HHAT: variants seen among roughly 807,000 people sequenced by gnomAD.
HHAT encodes the protein protein-cysteine N-palmitoyltransferase HHAT.
Under a neutral mutation model 70.8 loss-of-function variants are expected in HHAT, and 47 were observed. The observed-to-expected ratio is 0.66, with a 90% CI of 0.53 to 0.85. The LOEUF (loss-of-function observed/expected upper bound fraction) is 0.85. Among genes scored for constraint, HHAT ranks in the 40% least tolerant of loss-of-function variants. The pLI is 0.00. For synonymous variants in HHAT, 228 were observed against 247.6 expected, an observed-to-expected ratio of 0.92 and a Z score of 0.74; for missense variants, 609 against 604.8, an observed-to-expected ratio of 1.01 and a Z score of -0.07.
intron 9 of HHAT, among the ~76,000 whole-genome samples, chr1:210,535,282 T>C (rs2148645715): frequency 6.6e-6 from 1 of 152,264 alleles, no homozygotes; most frequent in African/African-American, 2.4e-5. Flanking sequence ...AGTGACTACG[T>C]AACAGGGTTT....
intron 11 of HHAT, among the ~76,000 whole-genome samples, chr1:210,663,143 AAC>A (rs1678121465): frequency 6.6e-6 from 1 of 152,186 alleles, no homozygotes; most frequent in Non-Finnish European, 1.5e-5. Flanking sequence ...ATTAGGCACT[AAC>A]CAAGACAAAG....
At chr1:210,404,797 A>G (rs2294850) in intron 6 of HHAT, 118 bp downstream of exon 6, 21,027 of 688,858 alleles carry the variant, frequency 0.031, 475 homozygotes, top group Middle Eastern at 0.08. Context: ...TTTACAACAC[A>G]TACTATTAGT....
At chr1:210,619,948 T>C (rs1668510223) in intron 10 of HHAT, among the ~76,000 whole-genome samples, 1 of 152,232 alleles carries the variant, frequency 6.6e-6, no homozygotes, top group African/African-American at 2.4e-5. Context: ...CTTTTCACTG[T>C]CTTCTGGTAT....
chr1:210,511,704 C>T (rs1191988557), intron 8 of HHAT, among the ~76,000 whole-genome samples: 1 of 151,426 alleles, frequency 6.6e-6, no homozygotes, highest in Admixed American at 6.6e-5. Context: ...GGGTGGGATG[C>T]AACCACCACC....
chr1:210,358,117 G>A (rs1203129971), intron 2 of HHAT, among the ~76,000 whole-genome samples: 1 of 152,228 alleles, frequency 6.6e-6, no homozygotes, highest in Non-Finnish European at 1.5e-5. Flanking sequence ...AAGCCCTAGT[G>A]TTAGACTCCA....
chr1:210,511,021 A>G (rs1217105085), intron 8 of HHAT, among the ~76,000 whole-genome samples: 1 of 152,210 alleles, frequency 6.6e-6, no homozygotes, highest in Admixed American at 6.5e-5. Flanking sequence ...CTCCCATATT[A>G]TAGATCTGGC....
At chr1:210,331,757 G>A (rs1046729310) in intron 1 of HHAT, among the ~76,000 whole-genome samples, 2 of 152,180 alleles carry the variant, frequency 1.3e-5, no homozygotes, top group African/African-American at 4.8e-5. Context: ...TTCCAGTTTG[G>A]TTTTGAGTGC....
intron 9 of HHAT, among the ~76,000 whole-genome samples, chr1:210,533,200 G>T (rs1281288052): frequency 9.9e-6 from 1 of 100,696 alleles, no homozygotes; most frequent in East Asian, 1.9e-4. Flanking sequence ...TTTGGATATG[G>T]CCAGGAGTGA....
intron 3 of HHAT, among the ~76,000 whole-genome samples, chr1:210,377,925 T>C (rs1471126620): frequency 6.6e-6 from 1 of 152,206 alleles, no homozygotes; most frequent in Admixed American, 6.5e-5. Context: ...AGGGACTTTG[T>C]TATTTACAGA....
chr1:210,485,801 A>C (rs1434849267), intron 8 of HHAT, among the ~76,000 whole-genome samples: 3 of 152,020 alleles, frequency 2.0e-5, no homozygotes, highest in African/African-American at 4.8e-5. Context: ...CTCATGATTC[A>C]ATTTTCTCCC....
chr1:210,471,811 A>G (rs189926112), intron 8 of HHAT, among the ~76,000 whole-genome samples: 2 of 152,348 alleles, frequency 1.3e-5, no homozygotes, highest in African/African-American at 4.8e-5. Context: ...CTGTTTTCCA[A>G]TATCAAATAA....
chr1:210,426,290 G>A (rs146987444), intron 7 of HHAT, among the ~76,000 whole-genome samples: 2 of 151,954 alleles, frequency 1.3e-5, no homozygotes, highest in Admixed American at 6.6e-5. Context: ...ACCTATAAAC[G>A]GGTAGTTTTA....
At chr1:210,382,549 A>T (rs2090719376) in intron 3 of HHAT, among the ~76,000 whole-genome samples, 1 of 152,204 alleles carries the variant, frequency 6.6e-6, no homozygotes, top group African/African-American at 2.4e-5. Flanking sequence ...GCTCTCAGAG[A>T]GATCCATTTT....
At position 210,450,270 on chromosome 1, in the gene HHAT, G is replaced by A. The variant is rs148997577; in HGVS notation, c.857-14235G>A. ...TGCGCCACTGCACTCCAGCCTGGGC[G>A]ACAGAGCAAGACTGCGTCTCAGGTG... On this transcript the variant is annotated intron_variant, in intron 7 of 11. Transcript: ENST00000261458. Among the ~76,000 whole-genome samples, 85 of 141,642 alleles carry A rather than the reference G, an allele frequency of 6.0e-4. No homozygotes were observed. The East Asian group carries it at 0.015, about 26-fold the overall frequency. 92.9% of individuals were successfully genotyped at this position (141,642 alleles called of 152,430 possible).
At chr1:210,337,301 C>G (rs186565893) in intron 1 of HHAT, among the ~76,000 whole-genome samples, 5 of 152,270 alleles carry the variant, frequency 3.3e-5, no homozygotes, top group Admixed American at 3.3e-4. Flanking sequence ...AATCTGTTTT[C>G]TATAAATCCT....
intron 9 of HHAT, among the ~76,000 whole-genome samples, chr1:210,559,594 T>C (rs60950440): frequency 0.062 from 9,412 of 152,244 alleles, 929 homozygotes; most frequent in African/African-American, 0.21. Flanking sequence ...CCTTCATCTT[T>C]CCGCCATACA....
chr1:210,525,907 G>A lies in HHAT; in HGVS notation c.1043+12719G>A, dbSNP rs138863805. 4.0e-3 allele frequency among the ~76,000 whole-genome samples: 602 copies of A among 152,342 alleles called. 9 individuals carry two copies. The highest frequency in any genetic ancestry group is 0.014 in the African/African-American group (575 of 41,582). ...TGCAGATGGGTTATTTACTTGACAG[G>A]CCATTTGTTAAGTGTTGTCGCTGCC... On this transcript the variant is annotated intron_variant, in intron 9 of 11. Transcript: ENST00000261458.
At chr1:210,368,204 T>C (rs2089199668) in intron 3 of HHAT, among the ~76,000 whole-genome samples, 1 of 152,198 alleles carries the variant, frequency 6.6e-6, no homozygotes, top group Non-Finnish European at 1.5e-5. Context: ...GGATTCAAGA[T>C]CATAGATTCT....
At chr1:210,664,463 TGGTGGGATGGTGCA>T (rs1678460875) in intron 11 of HHAT, among the ~76,000 whole-genome samples, 2 of 152,218 alleles carry the variant, frequency 1.3e-5, no homozygotes, top group Non-Finnish European at 2.9e-5. Flanking sequence ...GTTGTGAAGC[TGGTGGGATGGTGCA>T]GAGAGTGCCA....
Sources: gnomAD v4.1 joint callset for allele counts (sites outside exome capture counted in the v4.1 genomes callset) on GRCh38, gnomAD v4.1.1 for gene constraint, MANE v1.5 for transcripts, NCBI Gene and HGNC (gene_info 2026-07-23, HGNC 2026-07-21) for gene names.